The following THBS3 variants were observed in gnomAD, a reference collection of about 807,000 sequenced individuals.
The protein encoded by THBS3 is thrombospondin-3.
Under a neutral mutation model 118.3 loss-of-function variants are expected in THBS3, and 78 were observed. The ratio of observed to expected loss-of-function variants is 0.66; its 90% CI spans 0.55 to 0.80. The LOEUF (loss-of-function observed/expected upper bound fraction) is 0.80, where lower values mean the gene tolerates loss of function less well. THBS3 is among the 30% of genes least tolerant of loss of function. THBS3 has a pLI of 0.00. For synonymous variants in THBS3, 427 were observed against 475.3 expected (o/e 0.90, Z 1.32); for missense variants, 1,057 against 1,247.4 (o/e 0.85, Z 2.30).
rs747645720 is a variant in THBS3, at chr1:155,195,757, G to A, written c.*84C>T. 15 of 1,464,858 alleles carry A rather than the reference G, an allele frequency of 1.0e-5. No homozygotes were observed. The highest frequency in any genetic ancestry group is 1.4e-5 in the Non-Finnish European group (15 of 1,061,832). The allele number at this position is 1,464,858 out of a possible 1,614,324, so 90.7% of individuals were successfully genotyped here. A position where few individuals can be genotyped will look rare whatever the true frequency, so the allele number is the denominator to read the frequency against. Reference sequence around the variant, plus strand: ...AGGGTCTGTGGTTGGCTGAGGGGCTGTAGCTTAGACCTCAGGGTCTCCAGG... The same window carrying A: ...AGGGTCTGTGGTTGGCTGAGGGGCTATAGCTTAGACCTCAGGGTCTCCAGG... On this transcript the variant is annotated 3_prime_UTR_variant, in exon 23 of 23. Coordinates refer to ENST00000368378, the MANE Select transcript of THBS3 (RefSeq NM_007112.5).
rs763702279 is a variant in THBS3 at position 155,198,123 on chromosome 1, C to T, written c.2172G>A (p.Thr724=). 15 of 1,614,156 alleles carry T rather than the reference C, an allele frequency of 9.3e-6. No homozygotes were observed. Among genetic ancestry groups the T allele is most frequent in the East Asian group, 4.5e-5 (2 of 44,880 alleles). The part of the protein sequence containing the change: ...VCPESAEVTL[T]DFRAYQTVVL... ...CGACGGTCTGATAGGCCCGAAAATC[C>T]GTAAGCGTTACCTCTGCACTTTCAG... Residue 724 remains threonine (T), a synonymous_variant, in exon 18 of 23, where the codon ACG becomes ACA. Coordinates refer to ENST00000368378, the MANE Select transcript of THBS3 (RefSeq NM_007112.5).
rs1164786522 is a variant in THBS3, at chr1:155,206,365, C to G, written c.121G>C (p.Ala41Pro). The change falls in exon 2 of 23, where the codon GCT (alanine) becomes CCT (proline). Residue 41 changes from alanine to proline, a missense_variant. Around this residue, in one of 3 missense-constraint regions of THBS3, gnomAD observed 206 missense variants for 205.7 expected, o/e 1.00. Transcript: ENST00000368378. The surrounding 1 kb of genome is among the most constrained non-coding windows in gnomAD (Gnocchi z 4.2). ...LTVGESRQMV[A>P]VAEKIRTALL... ...GCTGTCCGGATCTTCTCTGCCACAGCTACCATCTGCCGAGACTCGCCCACA... is the reference window on the plus strand; with the variant it reads ...GCTGTCCGGATCTTCTCTGCCACAGGTACCATCTGCCGAGACTCGCCCACA... The G allele has an allele frequency of 1.2e-6, 2 of 1,614,150 alleles. No homozygotes were observed. Among genetic ancestry groups the G allele is most frequent in the South Asian group, 2.2e-5 (2 of 91,080 alleles).
Position 155,196,948 on chromosome 1 carries a change from C to G in THBS3, c.2672+93G>C, listed in dbSNP as rs547246884. The stretch of plus-strand genomic sequence containing the variant: ...GTGATGGAGAGAAGTGGCTGCAGTT[C>G]CCACCCATGGAGAGGTCACTGGTGA... On this transcript the variant is annotated intron_variant, in intron 21 of 22. Transcript: ENST00000368378. 1.0e-5 allele frequency: 13 copies of G among 1,282,286 alleles called. No homozygotes were observed. In the Admixed American group the frequency reaches 2.4e-4, roughly 24 times the overall value. 79.4% of individuals were successfully genotyped at this position (1,282,286 alleles called of 1,614,324 possible).
intron 4 of THBS3, 25 bp from the exon 5 acceptor site, chr1:155,203,564 C>A: frequency 6.2e-7 from 1 of 1,613,128 alleles, no homozygotes; most frequent in South Asian, 1.1e-5. Flanking sequence ...AAAACATAGT[C>A]AGAGGGGTGA....
At chr1:155,198,759 T>C (rs1557859179) in intron 16 of THBS3, 157 bp from the exon 17 acceptor site, 5 of 642,006 alleles carry the variant, frequency 7.8e-6, no homozygotes, top group Middle Eastern at 4.2e-4. Context: ...AATGGAGGGA[T>C]GACTGTAAGA....
At chr1:155,198,298 A>G in intron 17 of THBS3, 78 bp from the exon 18 acceptor site, 1 of 1,591,350 alleles carries the variant, frequency 6.3e-7, no homozygotes, top group Non-Finnish European at 8.6e-7. Context: ...TTGGGCCTGC[A>G]TTCCTGACAT....
chr1:155,200,620 G>C lies in THBS3; in HGVS notation c.1549-10C>G. On this transcript the variant is annotated splice_polypyrimidine_tract_variant and intron_variant, in intron 13 of 22. Coordinates refer to ENST00000368378, the MANE Select transcript of THBS3 (RefSeq NM_007112.5). ...ACAGCCGGCAGTTGTCCTGGGCAGA[G>C]GGGTGGGAGGGGAAGGGTCAGGTCT... 1 of 1,613,400 alleles carries C rather than the reference G, an allele frequency of 6.2e-7. No individual in the cohort carries two copies. The highest frequency in any genetic ancestry group is 1.7e-5 in the Admixed American group (1 of 60,004).
In THBS3 at chr1:155,197,404, G is replaced by T; in HGVS notation, c.2499+59C>A. The stretch of plus-strand genomic sequence containing the variant: ...GTCAAGCAGTGGGGGAGGCCCTGGG[G>T]CTGCAGAGGAGAGCTTTGGGAAAGG... On this transcript the variant is annotated intron_variant, in intron 20 of 22. Transcript: ENST00000368378. This position sits in a 1 kb window ranked among gnomAD's most constrained non-coding sequence, Gnocchi z 5.0. The T allele has an allele frequency of 4.4e-6, 7 of 1,580,342 alleles. No individual in the cohort carries two copies. Among genetic ancestry groups the T allele is most frequent in the Non-Finnish European group, 6.0e-6 (7 of 1,160,218 alleles).
At chr1:155,199,271 G>T (rs969077348) in intron 16 of THBS3, among the ~76,000 whole-genome samples, 1 of 150,610 alleles carries the variant, frequency 6.6e-6, no homozygotes, top group East Asian at 1.9e-4. Flanking sequence ...TTAGCCGGGC[G>T]TGGTGGCAGG....
Position 155,207,878 on chromosome 1 carries a change from C to T in THBS3, c.-2G>A. ...CCCCCGAAGTTCCTGCGTCTCCATG[C>T]CTCTCAGCCGGCTCACTACCCCTGG... On this transcript the variant is annotated 5_prime_UTR_variant, in exon 1 of 23. Coordinates refer to ENST00000368378, the MANE Select transcript of THBS3 (RefSeq NM_007112.5). 1 of 1,613,806 alleles carries T rather than the reference C, an allele frequency of 6.2e-7. No homozygotes were observed. Among genetic ancestry groups the T allele is most frequent in the Non-Finnish European group, 8.5e-7 (1 of 1,179,950 alleles).
Position 155,195,673 on chromosome 1 carries a change from TC to T in THBS3, c.*167del. On this transcript the variant is annotated 3_prime_UTR_variant, in exon 23 of 23. Coordinates refer to ENST00000368378, the MANE Select transcript of THBS3 (RefSeq NM_007112.5). Reference sequence around the variant, plus strand: ...AGTAATACCCCTTGAAAACTTCTCATCCCCTGAAGGGTGGGGTGACCACCCC... The same window carrying T: ...AGTAATACCCCTTGAAAACTTCTCATCCCTGAAGGGTGGGGTGACCACCCC... 3.0e-6 allele frequency: 2 copies of T among 671,158 alleles called. No homozygotes were observed. Among genetic ancestry groups the T allele is most frequent in the Admixed American group, 2.6e-5 (1 of 37,862 alleles). 41.6% of individuals were successfully genotyped at this position (671,158 alleles called of 1,614,324 possible). A position where few individuals can be genotyped will look rare whatever the true frequency, so the allele number is the denominator to read the frequency against.
chr1:155,197,310 G>C lies in THBS3; in HGVS notation c.2500-97C>G. 6.5e-7 allele frequency: 1 copy of C among 1,543,552 alleles called. No individual in the cohort carries two copies. The highest frequency in any genetic ancestry group is 8.8e-7 in the Non-Finnish European group (1 of 1,132,182). On this transcript the variant is annotated intron_variant, in intron 20 of 22. Coordinates refer to ENST00000368378, the MANE Select transcript of THBS3 (RefSeq NM_007112.5). This position sits in a 1 kb window ranked among gnomAD's most constrained non-coding sequence, Gnocchi z 5.0. ...GCAGGTGGGAAAGGGATTCAAGGCG[G>C]TCATGAAAATGCCCTGGGGCCCCAG...
At chr1:155,205,606 TG>T in intron 2 of THBS3, 1 of 364,680 alleles carries the variant, frequency 2.7e-6, no homozygotes, top group Non-Finnish European at 5.1e-6. Context: ...GGCGAAACCC[TG>T]TTTCTACTAA....
At chr1:155,196,320 C>A in intron 21 of THBS3, 194 bp from the exon 22 acceptor site, 2 of 612,632 alleles carry the variant, frequency 3.3e-6, no homozygotes, top group Non-Finnish European at 5.7e-6. Flanking sequence ...GCCCCTAGCT[C>A]TTTGTCCAGC....
intron 17 of THBS3, 40 bp downstream of exon 17, chr1:155,198,369 G>C (rs376407638): frequency 2.3e-5 from 37 of 1,600,446 alleles, no homozygotes; most frequent in Non-Finnish European, 3.0e-5. Flanking sequence ...CCTGGGCAAA[G>C]GCAACACCAG....
chr1:155,201,335 A>AC, intron 11 of THBS3, 82 bp downstream of exon 11: 1 of 1,566,246 alleles, frequency 6.4e-7, no homozygotes, highest in South Asian at 1.2e-5. Context: ...TCCTATGAAG[A>AC]CCCCCAACCC....
chr1:155,204,497 G>C (rs1278009669), intron 4 of THBS3, among the ~76,000 whole-genome samples: 1 of 151,840 alleles, frequency 6.6e-6, no homozygotes, highest in East Asian at 1.9e-4. Context: ...GGCTGAGGCA[G>C]GAGAATCACT....
At position 155,202,007 on chromosome 1, in the gene THBS3, C is replaced by T. The variant is rs778493768; in HGVS notation, c.1126G>A (p.Asp376Asn). Reference sequence around the variant, plus strand: ...GGGTCACAGCCACCATTGTTGCCATCGTTGCATTCATCGATGTCATTGCAG... The same window carrying T: ...GGGTCACAGCCACCATTGTTGCCATTGTTGCATTCATCGATGTCATTGCAG... ...QVCNDIDECN[D>N]GNNGGCDPNS... The change falls in exon 10 of 23, where the codon GAT (aspartate) becomes AAT (asparagine). Residue 376 changes from aspartate (D) to asparagine (N), a missense_variant. Asp to Asn is a conservative substitution (Grantham distance 23, BLOSUM62 1). This residue lies in a region of THBS3 where 544 missense variants were observed against 715.6 expected (regional missense o/e 0.76). Transcript: ENST00000368378. This position sits in a 1 kb window ranked among gnomAD's most constrained non-coding sequence, Gnocchi z 5.5. The T allele has an allele frequency of 2.5e-6, 4 of 1,614,022 alleles. No homozygotes were observed. Among genetic ancestry groups the T allele is most frequent in the African/African-American group, 1.3e-5 (1 of 74,914 alleles).
intron 4 of THBS3, 51 bp from the exon 5 acceptor site, chr1:155,203,590 G>A (rs1670127582): frequency 1.9e-6 from 3 of 1,607,108 alleles, no homozygotes; most frequent in Middle Eastern, 3.4e-4. Flanking sequence ...AGTGAAGAGA[G>A]GCCTGGTTGG....
Sources: allele counts gnomAD v4.1 joint callset (sites outside exome capture counted in the v4.1 genomes callset), GRCh38; gene constraint gnomAD v4.1.1; regional missense constraint gnomAD v4.1.1; non-coding constraint Gnocchi (gnomAD v3.1); transcripts MANE v1.5; gene names NCBI Gene and HGNC (gene_info 2026-07-23, HGNC 2026-07-21).